SLC25A12: variants seen among roughly 807,000 people sequenced by gnomAD.
SLC25A12 encodes solute carrier family 25 member 12, also known as electrogenic aspartate/glutamate antiporter SLC25A12, mitochondrial.
A neutral mutation model predicts 83.3 loss-of-function variants in SLC25A12; 32 were observed. The ratio of observed to expected loss-of-function variants is 0.38; its 90% CI spans 0.29 to 0.52. SLC25A12 has a LOEUF of 0.52. Among genes scored for constraint, SLC25A12 ranks in the 20% least tolerant of loss-of-function variants. The pLI is 0.84. For missense variants in SLC25A12, 611 were observed against 835.6 expected, an observed-to-expected ratio of 0.73 and a Z score of 3.31; for synonymous variants, 267 against 291.1, an observed-to-expected ratio of 0.92 and a Z score of 0.84.
intron 2 of SLC25A12, among the ~76,000 whole-genome samples, chr2:171,889,777 G>A (rs1685894332): frequency 6.6e-6 from 1 of 152,094 alleles, no homozygotes; most frequent in South Asian, 2.1e-4. Flanking sequence ...AGGGTTAAGG[G>A]TATGGGCTCT....
intron 10 of SLC25A12, 122 bp from the exon 11 acceptor site, chr2:171,813,619 G>C: frequency 8.9e-7 from 1 of 1,127,230 alleles, no homozygotes; most frequent in South Asian, 1.3e-5. Context: ...TCACAAAAGA[G>C]AGTTTATTAT....
chr2:171,815,308 G>C, intron 9 of SLC25A12, 106 bp from the exon 10 acceptor site: 1 of 775,508 alleles, frequency 1.3e-6, no homozygotes, highest in African/African-American at 1.7e-5. Flanking sequence ...ACCTAAAAGT[G>C]ATATTGTTAA....
chr2:171,789,766 C>T (rs1015075372), intron 15 of SLC25A12, among the ~76,000 whole-genome samples: 1 of 152,034 alleles, frequency 6.6e-6, no homozygotes, highest in East Asian at 1.9e-4. Flanking sequence ...TGGTGGTACA[C>T]GCCTGTAGTC....
chr2:171,821,616 C>A (rs1412194962), intron 9 of SLC25A12, among the ~76,000 whole-genome samples: 1 of 152,082 alleles, frequency 6.6e-6, no homozygotes, highest in Non-Finnish European at 1.5e-5. Flanking sequence ...TTTTCCTTAC[C>A]ATTTGGATAT....
chr2:171,847,030 A>C (rs1235387085), intron 4 of SLC25A12, among the ~76,000 whole-genome samples: 3 of 152,140 alleles, frequency 2.0e-5, no homozygotes, highest in Non-Finnish European at 4.4e-5. Flanking sequence ...ATTTTCCATG[A>C]GTATTTGGAC....
chr2:171,867,116 G>A (rs1241882152), intron 3 of SLC25A12, among the ~76,000 whole-genome samples: 1 of 151,794 alleles, frequency 6.6e-6, no homozygotes. Flanking sequence ...AGATGGGATG[G>A]CGGCCGGGCA....
intron 9 of SLC25A12, among the ~76,000 whole-genome samples, chr2:171,816,007 A>G (rs1479716836): frequency 1.3e-5 from 2 of 151,702 alleles, no homozygotes; most frequent in Non-Finnish European, 2.9e-5. Context: ...ATAGAATGAG[A>G]TAAATATTTC....
intron 5 of SLC25A12, among the ~76,000 whole-genome samples, chr2:171,843,074 G>C (rs1684713763): frequency 6.6e-6 from 1 of 152,112 alleles, no homozygotes. Flanking sequence ...GCCCACCTCA[G>C]CCTCCCAAAG....
At chr2:171,866,758 G>T (rs1442191147) in intron 3 of SLC25A12, among the ~76,000 whole-genome samples, 6 of 142,002 alleles carry the variant, frequency 4.2e-5, no homozygotes, top group Admixed American at 6.9e-5. Flanking sequence ...CTGGCCGGGT[G>T]GGGGGCTGAC....
At chr2:171,827,302 CTT>C (rs34833030) in intron 8 of SLC25A12, among the ~76,000 whole-genome samples, 182 of 147,504 alleles carry the variant, frequency 1.2e-3, no homozygotes, top group African/African-American at 4.3e-3. Flanking sequence ...ATGAGGGAGA[CTT>C]TTTTTTTTTT....
At chr2:171,891,134 G>T (rs1357203400) in intron 2 of SLC25A12, among the ~76,000 whole-genome samples, 4 of 152,016 alleles carry the variant, frequency 2.6e-5, no homozygotes, top group Admixed American at 1.3e-4. Context: ...GTGAAACCCT[G>T]TCTCTACTAA....
At chr2:171,892,930 T>A (rs1210122820) in intron 2 of SLC25A12, among the ~76,000 whole-genome samples, 1 of 152,092 alleles carries the variant, frequency 6.6e-6, no homozygotes, top group Admixed American at 6.6e-5. Flanking sequence ...TTTATCTTGG[T>A]CTCTGTGCTT....
chr2:171,847,814 C>T (rs1303477923), intron 4 of SLC25A12, among the ~76,000 whole-genome samples: 1 of 152,196 alleles, frequency 6.6e-6, no homozygotes, highest in Middle Eastern at 3.2e-3. Context: ...GTTTATACTT[C>T]CATTGAAAAG....
At chr2:171,817,020 A>G (rs907847491) in intron 9 of SLC25A12, among the ~76,000 whole-genome samples, 8 of 152,158 alleles carry the variant, frequency 5.3e-5, no homozygotes, top group African/African-American at 1.9e-4. Context: ...AAAAGACACA[A>G]GAAAGACGAC....
At chr2:171,868,095 T>C (rs1234849561) in intron 3 of SLC25A12, among the ~76,000 whole-genome samples, 1 of 152,082 alleles carries the variant, frequency 6.6e-6, no homozygotes, top group African/African-American at 2.4e-5. Context: ...ATCCACCCAC[T>C]TGGCCTCCCA....
At chr2:171,854,927 T>C (rs1228289665) in intron 4 of SLC25A12, among the ~76,000 whole-genome samples, 2 of 152,342 alleles carry the variant, frequency 1.3e-5, no homozygotes, top group South Asian at 2.1e-4. Context: ...GGGGCTTAAG[T>C]TTAATTTTGC....
Position 171,834,712 on chromosome 2 carries a change from AT to A in SLC25A12, c.751+14del. 6.2e-7 allele frequency: 1 copy of A among 1,611,706 alleles called. No individual in the cohort carries two copies. The highest frequency in any genetic ancestry group is 8.5e-7 in the Non-Finnish European group (1 of 1,179,492). On this transcript the variant is annotated intron_variant, in intron 7 of 17. Coordinates refer to ENST00000422440, the MANE Select transcript of SLC25A12 (RefSeq NM_003705.5). The stretch of plus-strand genomic sequence containing the variant: ...AATGCTGAGATTCTTATTTATGTAT[AT>A]TTTAAAATCTTACCCTTTGTGACTT...
At chr2:171,883,039 T>C (rs1685729371) in intron 2 of SLC25A12, among the ~76,000 whole-genome samples, 1 of 152,136 alleles carries the variant, frequency 6.6e-6, no homozygotes, top group South Asian at 2.1e-4. Flanking sequence ...TATTTGTCAA[T>C]AACTTCAGAT....
chr2:171,864,573 C>A (rs1685243124), intron 3 of SLC25A12, among the ~76,000 whole-genome samples: 1 of 152,204 alleles, frequency 6.6e-6, no homozygotes, highest in South Asian at 2.1e-4. Flanking sequence ...CACAACCCTC[C>A]TCCATTGCCA....
Sources: gnomAD v4.1 joint callset for allele counts (sites outside exome capture counted in the v4.1 genomes callset) on GRCh38, gnomAD v4.1.1 for gene constraint, MANE v1.5 for transcripts, NCBI Gene and HGNC (gene_info 2026-07-23, HGNC 2026-07-21) for gene names.